SIPA1L1: variants seen among roughly 807,000 people sequenced by gnomAD.
The protein encoded by SIPA1L1 is signal induced proliferation associated 1 like 1, also known as signal-induced proliferation-associated 1-like protein 1.
In SIPA1L1, 26 loss-of-function variants were observed where a neutral mutation model predicts 162.7. The ratio of observed to expected loss-of-function variants is 0.16; its 90% confidence interval spans 0.12 to 0.22. The LOEUF is 0.22. Ranked by LOEUF, SIPA1L1 falls within the 10% of genes least tolerant of loss-of-function variation. The pLI, the probability that SIPA1L1 is intolerant of heterozygous loss-of-function variation, is 1.00. For synonymous variants in SIPA1L1, 829 were observed against 837.4 expected, an observed-to-expected ratio of 0.99 and a Z score of 0.17; for missense variants, 1,874 against 2,241.0, an observed-to-expected ratio of 0.84 and a Z score of 3.31.
At chr14:71,704,930 C>G in intron 15 of SIPA1L1, 2 of 661,338 alleles carry the variant, frequency 3.0e-6, no homozygotes, top group East Asian at 2.7e-5. Context: ...TTCCCCCAAA[C>G]CAAAAGTTGA....
intron 4 of SIPA1L1, chr14:71,574,714 A>G (rs1271251663): frequency 6.6e-6 from 1 of 152,178 alleles, no homozygotes; most frequent in Non-Finnish European, 1.5e-5. Context: ...GGCAAAAAAA[A>G]AAAAAGACTT....
chr14:71,691,643 C>T (rs1400340448), intron 13 of SIPA1L1, among the ~76,000 whole-genome samples: 2 of 152,090 alleles, frequency 1.3e-5, no homozygotes, highest in African/African-American at 4.8e-5. Context: ...CCCCTATCAT[C>T]GTCACCACCC....
chr14:71,613,788 G>A (rs1245410535), intron 5 of SIPA1L1, among the ~76,000 whole-genome samples: 1 of 152,160 alleles, frequency 6.6e-6, no homozygotes, highest in African/African-American at 2.4e-5. Context: ...AATGGAAGTC[G>A]ATGGCTGATA....
At chr14:71,680,888 A>G (rs764846759) in intron 12 of SIPA1L1, among the ~76,000 whole-genome samples, 7 of 152,170 alleles carry the variant, frequency 4.6e-5, no homozygotes, top group Non-Finnish European at 1.0e-4. Flanking sequence ...GTCTTTGGAA[A>G]TGCAGCATCT....
At chr14:71,428,736 T>C (rs551850166) in intron 2 of SIPA1L1, among the ~76,000 whole-genome samples, 2 of 152,290 alleles carry the variant, frequency 1.3e-5, no homozygotes, top group East Asian at 3.9e-4. Context: ...GAAGCAGCAG[T>C]CAGCCATTAG....
intron 2 of SIPA1L1, among the ~76,000 whole-genome samples, chr14:71,329,845 T>C (rs1361857826): frequency 1.3e-5 from 2 of 152,216 alleles, no homozygotes; most frequent in African/African-American, 4.8e-5. Context: ...TCTGGGTATA[T>C]ATTTTTTTCC....
At chr14:71,702,327 C>A (rs1335580272) in intron 14 of SIPA1L1, 54 bp from the exon 15 acceptor site, 7 of 1,600,960 alleles carry the variant, frequency 4.4e-6, no homozygotes, top group Non-Finnish European at 6.0e-6. Context: ...GACTGCCTTC[C>A]CCTCATGGGT....
chr14:71,670,439 G>A (rs907105911), intron 10 of SIPA1L1, among the ~76,000 whole-genome samples: 1 of 152,014 alleles, frequency 6.6e-6, no homozygotes, highest in African/African-American at 2.4e-5. Flanking sequence ...ATACCAAAAG[G>A]ACCAAGGAAT....
chr14:71,495,426 A>T (rs2049663826), intron 2 of SIPA1L1, among the ~76,000 whole-genome samples: 1 of 150,960 alleles, frequency 6.6e-6, no homozygotes, highest in Non-Finnish European at 1.5e-5. Flanking sequence ...ATTTTCTTTT[A>T]TATATTTAAA....
At position 71,739,182 on chromosome 14, in the gene SIPA1L1, A is replaced by G. The variant is rs781196381; in HGVS notation, c.*21A>G. On this transcript the variant is annotated 3_prime_UTR_variant, in exon 24 of 24. Transcript: ENST00000381232. ...GCTAGGGAAGGCTGAGGAGGACAGG[A>G]GAAGGGCCCAGACACTCCCTCCAGT... 47 of 1,603,852 alleles carry G rather than the reference A, an allele frequency of 2.9e-5. No individual in the cohort carries two copies. The highest frequency in any genetic ancestry group is 4.0e-5 in the Non-Finnish European group (47 of 1,174,074).
chr14:71,602,282 TTTC>T (rs1222951335), intron 5 of SIPA1L1, among the ~76,000 whole-genome samples: 1 of 152,170 alleles, frequency 6.6e-6, no homozygotes, highest in Non-Finnish European at 1.5e-5. Context: ...CTTCAAGAAA[TTTC>T]TTCATTTTCT....
At chr14:71,581,155 A>G (rs947540499) in intron 4 of SIPA1L1, among the ~76,000 whole-genome samples, 1 of 151,988 alleles carries the variant, frequency 6.6e-6, no homozygotes, top group African/African-American at 2.4e-5. Context: ...CAGTTAAGAA[A>G]TTTCTTAGTT....
intron 2 of SIPA1L1, among the ~76,000 whole-genome samples, chr14:71,405,910 G>A (rs2041997738): frequency 6.6e-6 from 1 of 152,166 alleles, no homozygotes; most frequent in Admixed American, 6.5e-5. Flanking sequence ...ACACGTTAGA[G>A]GCTTTTAAGC....
intron 2 of SIPA1L1, among the ~76,000 whole-genome samples, chr14:71,461,032 A>G (rs547969183): frequency 5.4e-4 from 83 of 152,324 alleles, no homozygotes; most frequent in African/African-American, 1.6e-3. Flanking sequence ...GTCAGAGGCA[A>G]TGGTGTGTGG....
chr14:71,346,174 G>T (rs940012826), intron 2 of SIPA1L1, among the ~76,000 whole-genome samples: 1 of 152,136 alleles, frequency 6.6e-6, no homozygotes, highest in Non-Finnish European at 1.5e-5. Flanking sequence ...CCAAAGTGCT[G>T]GGATTATAGG....
At chr14:71,490,093 A>G (rs1391227193) in intron 2 of SIPA1L1, among the ~76,000 whole-genome samples, 1 of 152,232 alleles carries the variant, frequency 6.6e-6, no homozygotes, top group African/African-American at 2.4e-5. Context: ...CTTTTTAATA[A>G]TCAGAGAAGT....
At chr14:71,460,293 T>C (rs1293189556) in intron 2 of SIPA1L1, among the ~76,000 whole-genome samples, 2 of 152,204 alleles carry the variant, frequency 1.3e-5, no homozygotes, top group Non-Finnish European at 2.9e-5. Flanking sequence ...TTTTCTTTCC[T>C]GGTGGAGTGA....
intron 19 of SIPA1L1, among the ~76,000 whole-genome samples, chr14:71,728,649 A>T (rs979080084): frequency 2.0e-5 from 3 of 152,194 alleles, no homozygotes; most frequent in African/African-American, 7.2e-5. Context: ...CACTAAATGG[A>T]GCATTTGCTA....
intron 2 of SIPA1L1, among the ~76,000 whole-genome samples, chr14:71,439,879 G>A (rs967406678): frequency 2.6e-5 from 4 of 152,142 alleles, no homozygotes; most frequent in African/African-American, 7.2e-5. Flanking sequence ...ACCATGAGAT[G>A]TTGAATAATC....
Sources: gnomAD v4.1 joint callset for allele counts (sites outside exome capture counted in the v4.1 genomes callset) on GRCh38, gnomAD v4.1.1 for gene constraint, MANE v1.5 for transcripts, NCBI Gene and HGNC (gene_info 2026-07-23, HGNC 2026-07-21) for gene names.